The following ARHGEF10L variants were observed in gnomAD, a reference collection of about 807,000 sequenced individuals.
ARHGEF10L encodes the protein rho guanine nucleotide exchange factor 10-like protein.
Under a neutral mutation model 141.2 loss-of-function variants are expected in ARHGEF10L, and 69 were observed. That is an observed-to-expected ratio of 0.49 (90% CI 0.40 to 0.60). ARHGEF10L has a LOEUF of 0.60. ARHGEF10L is among the 20% of genes least tolerant of loss of function. The pLI is 0.00. For synonymous variants in ARHGEF10L, 711 were observed against 718.5 expected (o/e 0.99, Z 0.17); for missense variants, 1,482 against 1,734.3 (o/e 0.85, Z 2.58).
At chr1:17,513,832 G>A in the ARHGEF10L span, among the ~76,000 whole-genome samples, 1 of 151,970 alleles carries the variant, frequency 6.6e-6, no homozygotes, top group Non-Finnish European at 1.5e-5. Context: ...TTGAGACGGA[G>A]TTTCGCTCTT....
Position 17,643,859 on chromosome 1 carries a change from T to C in ARHGEF10L, c.2272+3557T>C, listed in dbSNP as rs566745926. ...CTTTCTGAGGTCACACGCGATTTAG[T>C]ACAGGGCCAGGATATCTTCCTACCT... On this transcript the variant is annotated intron_variant, in intron 21 of 28. Coordinates refer to ENST00000361221, the MANE Select transcript of ARHGEF10L (RefSeq NM_018125.4). Among the ~76,000 whole-genome samples, 24 of 152,152 alleles carry C rather than the reference T, an allele frequency of 1.6e-4. 1 individual carries two copies. The highest frequency in any genetic ancestry group is 1.3e-3 in the Admixed American group (20 of 15,282).
intron 1 of ARHGEF10L, among the ~76,000 whole-genome samples, chr1:17,541,203 A>AG (rs1297627369): frequency 6.6e-6 from 1 of 152,088 alleles, no homozygotes; most frequent in Non-Finnish European, 1.5e-5. Context: ...CTCTCTATCC[A>AG]GGAAGTGGGT....
At chr1:17,668,009 T>C (rs2063091473) in intron 26 of ARHGEF10L, among the ~76,000 whole-genome samples, 1 of 152,202 alleles carries the variant, frequency 6.6e-6, no homozygotes, top group Non-Finnish European at 1.5e-5. Context: ...GCATAAGTCA[T>C]GGAGCCTTCC....
intron 4 of ARHGEF10L, 33 bp from the exon 5 acceptor site, chr1:17,602,094 G>A (rs1167557898): frequency 7.9e-6 from 12 of 1,518,332 alleles, no homozygotes; most frequent in Non-Finnish European, 9.7e-6. Context: ...AGCCACCTCT[G>A]GACACCTCTG....
chr1:17,691,877 C>G (rs1237700337), intron 27 of ARHGEF10L, among the ~76,000 whole-genome samples: 1 of 152,212 alleles, frequency 6.6e-6, no homozygotes, highest in Non-Finnish European at 1.5e-5. Flanking sequence ...CTCACAGATA[C>G]TTCTTGAGAG....
chr1:17,608,444 G>GC, intron 7 of ARHGEF10L, among the ~76,000 whole-genome samples: 1 of 152,362 alleles, frequency 6.6e-6, no homozygotes, highest in Non-Finnish European at 1.5e-5. Context: ...TGGGGCAGTG[G>GC]AGAGTGGGGG....
chr1:17,674,924 T>C (rs1378224482), intron 26 of ARHGEF10L, among the ~76,000 whole-genome samples: 2 of 152,306 alleles, frequency 1.3e-5, no homozygotes, highest in East Asian at 3.9e-4. Flanking sequence ...TAGATCTGTG[T>C]AAGGTCACTC....
intron 6 of ARHGEF10L, among the ~76,000 whole-genome samples, chr1:17,606,138 C>T (rs892989340): frequency 5.9e-5 from 9 of 152,138 alleles, no homozygotes; most frequent in Non-Finnish European, 1.2e-4. Context: ...CGAGTGCGTG[C>T]TATGTGTCAG....
rs969562941 is a variant in ARHGEF10L, at chr1:17,644,751, G to A, written c.2273-3803G>A. 6.6e-6 allele frequency among the ~76,000 whole-genome samples: 1 copy of A among 152,204 alleles called. No homozygotes were observed. On this transcript the variant is annotated intron_variant, in intron 21 of 28. Transcript: ENST00000361221. This position sits in a 1 kb window ranked among gnomAD's most constrained non-coding sequence, Gnocchi z 4.5. Reference sequence around the variant, plus strand: ...GGTCGGGCTGGAGAAGCAGGGCTGGGCCCGCGGTGGGCTCAGCTGCCCTCA... The same window carrying A: ...GGTCGGGCTGGAGAAGCAGGGCTGGACCCGCGGTGGGCTCAGCTGCCCTCA...
chr1:17,618,529 G>A, intron 9 of ARHGEF10L: 1 of 1,407,676 alleles, frequency 7.1e-7, no homozygotes, highest in Non-Finnish European at 9.3e-7. Context: ...TCAGGTAAGG[G>A]CCTATTGGGG....
intron 4 of ARHGEF10L, among the ~76,000 whole-genome samples, chr1:17,601,022 C>A (rs1419266762): frequency 1.4e-5 from 2 of 146,978 alleles, no homozygotes; most frequent in Non-Finnish European, 3.0e-5. Flanking sequence ...CGCCCTGAAG[C>A]CTGGGCGACA....
chr1:17,633,183 C>T (rs557983131), intron 16 of ARHGEF10L, among the ~76,000 whole-genome samples: 29 of 152,350 alleles, frequency 1.9e-4, no homozygotes, highest in African/African-American at 6.3e-4. Flanking sequence ...TTGGGCCCTG[C>T]CATTCTCCAG....
At chr1:17,562,668 T>C (rs1057395316) in intron 1 of ARHGEF10L, among the ~76,000 whole-genome samples, 3 of 152,236 alleles carry the variant, frequency 2.0e-5, no homozygotes, top group Non-Finnish European at 4.4e-5. Context: ...CTGCTGGTAC[T>C]GTGTTGATTT....
chr1:17,651,598 A>G (rs1169343797), intron 22 of ARHGEF10L, among the ~76,000 whole-genome samples: 2 of 152,086 alleles, frequency 1.3e-5, no homozygotes, highest in Non-Finnish European at 2.9e-5. Flanking sequence ...GGCCTCCCCA[A>G]AAGAAACCCC....
chr1:17,671,678 C>T (rs1290706967), intron 26 of ARHGEF10L, among the ~76,000 whole-genome samples: 1 of 152,210 alleles, frequency 6.6e-6, no homozygotes, highest in Non-Finnish European at 1.5e-5. Context: ...AGCCCCTCCC[C>T]CATTAGACCC....
chr1:17,580,698 G>A, intron 2 of ARHGEF10L, 66 bp downstream of exon 2: 2 of 1,599,822 alleles, frequency 1.3e-6, no homozygotes, highest in Non-Finnish European at 1.7e-6. Context: ...GGGGCCGGCG[G>A]AGGGCCTTGC....
chr1:17,559,702 C>A (rs951118673), intron 1 of ARHGEF10L, among the ~76,000 whole-genome samples: 1 of 152,180 alleles, frequency 6.6e-6, no homozygotes, highest in Non-Finnish European at 1.5e-5. Flanking sequence ...GTTGCCCTCA[C>A]TGTTGCAGGT....
intron 27 of ARHGEF10L, 124 bp downstream of exon 27, chr1:17,687,871 T>G (rs1479193710): frequency 9.3e-7 from 1 of 1,075,574 alleles, no homozygotes; most frequent in Non-Finnish European, 1.3e-6. Context: ...GGGCTTTAAT[T>G]TGGGGCACTC....
chr1:17,656,478 C>G lies in ARHGEF10L; in HGVS notation c.2706-76C>G. On this transcript the variant is annotated intron_variant, in intron 24 of 28. Coordinates refer to ENST00000361221, the MANE Select transcript of ARHGEF10L (RefSeq NM_018125.4). This position sits in a 1 kb window ranked among gnomAD's most constrained non-coding sequence, Gnocchi z 4.9. ...GGGTCAGCTCCCTGGGGCCCTCTCC[C>G]TAGGAGGGCATGGGGGCAGTGAGTG... 6.5e-6 allele frequency: 10 copies of G among 1,533,824 alleles called. No individual in the cohort carries two copies. The highest frequency in any genetic ancestry group is 8.9e-6 in the Non-Finnish European group (10 of 1,127,062).
Sources: allele counts gnomAD v4.1 joint callset (sites outside exome capture counted in the v4.1 genomes callset), GRCh38; gene constraint gnomAD v4.1.1; non-coding constraint Gnocchi (gnomAD v3.1); transcripts MANE v1.5; gene names NCBI Gene and HGNC (gene_info 2026-07-23, HGNC 2026-07-21).